Variants in DRC11 observed in about 807,000 individuals in gnomAD.
DRC11 encodes IQ and AAA domain-containing protein 1.
chr2:236,413,261 A>T, the DRC11 span, among the ~76,000 whole-genome samples: 618 of 152,310 alleles, frequency 4.1e-3, 5 homozygotes, highest in African/African-American at 0.014. The surrounding 1 kb of genome is among the most constrained non-coding windows in gnomAD (Gnocchi z 4.0). Context: ...TTCCCATGAA[A>T]GTTTACAAAC....
chr2:236,321,633 T>G, the DRC11 span, among the ~76,000 whole-genome samples: 1 of 152,150 alleles, frequency 6.6e-6, no homozygotes, highest in African/African-American at 2.4e-5. Flanking sequence ...GAAAAGTGTA[T>G]GTATCTTTGG....
the DRC11 span, chr2:236,331,728 C>T: frequency 1.5e-6 from 1 of 681,066 alleles, no homozygotes; most frequent in South Asian, 1.9e-5. The surrounding 1 kb of genome is among the most constrained non-coding windows in gnomAD (Gnocchi z 4.8). Context: ...TTATTTGTAA[C>T]TCAAATGAAC....
the DRC11 span, among the ~76,000 whole-genome samples, chr2:236,393,446 G>A: frequency 6.6e-6 from 1 of 152,186 alleles, no homozygotes; most frequent in Non-Finnish European, 1.5e-5. The surrounding 1 kb of genome is among the most constrained non-coding windows in gnomAD (Gnocchi z 4.7). Flanking sequence ...ACCGAGAAGG[G>A]AGAGGGTGGT....
chr2:236,411,207 C>A, the DRC11 span, among the ~76,000 whole-genome samples: 22 of 152,236 alleles, frequency 1.4e-4, no homozygotes, highest in Middle Eastern at 3.4e-3. Context: ...CAAGAAAAAA[C>A]AAACAACCCC....
chr2:236,367,620 G>A, the DRC11 span: 3 of 152,238 alleles, frequency 2.0e-5, no homozygotes, highest in African/African-American at 7.3e-5. This position sits in a 1 kb window ranked among gnomAD's most constrained non-coding sequence, Gnocchi z 4.8. Context: ...AAAAGCGAAC[G>A]TGAGCCGCAG....
chr2:236,448,361 T>A, the DRC11 span, among the ~76,000 whole-genome samples: 14 of 152,236 alleles, frequency 9.2e-5, no homozygotes, highest in African/African-American at 3.4e-4. This position sits in a 1 kb window ranked among gnomAD's most constrained non-coding sequence, Gnocchi z 5.3. Flanking sequence ...AATGTGCCAC[T>A]TAGTATATTT....
At chr2:236,483,451 TA>T in the DRC11 span, among the ~76,000 whole-genome samples, 1 of 152,218 alleles carries the variant, frequency 6.6e-6, no homozygotes, top group Non-Finnish European at 1.5e-5. The surrounding 1 kb of genome is among the most constrained non-coding windows in gnomAD (Gnocchi z 4.8). Flanking sequence ...AAAATCAAGA[TA>T]TTTTTGAAAT....
At chr2:236,486,770 G>C in the DRC11 span, 4 of 1,107,434 alleles carry the variant, frequency 3.6e-6, no homozygotes, top group South Asian at 4.2e-5. The surrounding 1 kb of genome is among the most constrained non-coding windows in gnomAD (Gnocchi z 5.7). Flanking sequence ...AGAAGACACA[G>C]TCTCACATAT....
chr2:236,335,102 C>T, the DRC11 span, among the ~76,000 whole-genome samples: 332 of 152,298 alleles, frequency 2.2e-3, 1 homozygote, highest in African/African-American at 7.5e-3. The surrounding 1 kb of genome is among the most constrained non-coding windows in gnomAD (Gnocchi z 5.6). Context: ...TCTGTCCCCA[C>T]GTGGCCCGGA....
the DRC11 span, among the ~76,000 whole-genome samples, chr2:236,385,362 G>C: frequency 7.1e-6 from 1 of 141,574 alleles, no homozygotes; most frequent in African/African-American, 2.6e-5. Flanking sequence ...AGTTCTCCTT[G>C]AAGAGGTCCT....
chr2:236,483,333 TA>T, the DRC11 span, among the ~76,000 whole-genome samples: 2 of 152,164 alleles, frequency 1.3e-5, no homozygotes, highest in African/African-American at 4.8e-5. The surrounding 1 kb of genome is among the most constrained non-coding windows in gnomAD (Gnocchi z 4.8). Context: ...CCTAAACAAC[TA>T]AAAAGCAAAG....
chr2:236,400,041 C>T, the DRC11 span, among the ~76,000 whole-genome samples: 1 of 152,224 alleles, frequency 6.6e-6, no homozygotes. The surrounding 1 kb of genome is among the most constrained non-coding windows in gnomAD (Gnocchi z 7.9). Flanking sequence ...CATGCTCTCA[C>T]TCCTTCCTTG....
the DRC11 span, among the ~76,000 whole-genome samples, chr2:236,386,153 G>T: frequency 6.9e-6 from 1 of 145,652 alleles, no homozygotes; most frequent in African/African-American, 2.5e-5. Context: ...CCTGGCTTTG[G>T]TATCAGAATG....
chr2:236,496,278 A>C, the DRC11 span, among the ~76,000 whole-genome samples: 1 of 152,240 alleles, frequency 6.6e-6, no homozygotes, highest in African/African-American at 2.4e-5. The surrounding 1 kb of genome is among the most constrained non-coding windows in gnomAD (Gnocchi z 6.3). Context: ...TGATAAAATA[A>C]TAATGTGAGG....
At chr2:236,373,285 C>T in the DRC11 span, among the ~76,000 whole-genome samples, 1 of 147,280 alleles carries the variant, frequency 6.8e-6, no homozygotes. Context: ...GCGACGGAGT[C>T]CCGCTCTGAC....
At chr2:236,325,940 G>C in the DRC11 span, among the ~76,000 whole-genome samples, 36 of 152,292 alleles carry the variant, frequency 2.4e-4, no homozygotes, top group African/African-American at 8.2e-4. This position sits in a 1 kb window ranked among gnomAD's most constrained non-coding sequence, Gnocchi z 4.4. Context: ...CCTGTCTCTT[G>C]TATGCCAGTT....
At chr2:236,474,610 A>G in the DRC11 span, among the ~76,000 whole-genome samples, 1 of 152,168 alleles carries the variant, frequency 6.6e-6, no homozygotes, top group Non-Finnish European at 1.5e-5. Flanking sequence ...TTTGACTTCT[A>G]ATTTAATTTT....
At chr2:236,460,954 C>T in the DRC11 span, among the ~76,000 whole-genome samples, 1 of 152,106 alleles carries the variant, frequency 6.6e-6, no homozygotes, top group East Asian at 1.9e-4. The surrounding 1 kb of genome is among the most constrained non-coding windows in gnomAD (Gnocchi z 4.0). Context: ...GGGGTTTCAC[C>T]ATGTTGGCCC....
chr2:236,503,625 C>G, the DRC11 span: 1 of 1,550,072 alleles, frequency 6.5e-7, no homozygotes, highest in Non-Finnish European at 8.7e-7. The surrounding 1 kb of genome is among the most constrained non-coding windows in gnomAD (Gnocchi z 4.9). Context: ...ATCCCTGCAT[C>G]ATTACCTGTT....
Sources: allele counts gnomAD v4.1 joint callset (sites outside exome capture counted in the v4.1 genomes callset), GRCh38; gene constraint gnomAD v4.1.1; non-coding constraint Gnocchi (gnomAD v3.1); transcripts MANE v1.5; gene names NCBI Gene and HGNC (gene_info 2026-07-23, HGNC 2026-07-21).